Variants in RNF125 observed in about 807,000 individuals in gnomAD.
RNF125 encodes ring finger protein 125.
RNF125 carries 21 observed loss-of-function variants against 26.0 expected under a neutral mutation model. The ratio of observed to expected loss-of-function variants is 0.81; its 90% CI spans 0.57 to 1.16. RNF125 has a LOEUF of 1.16. RNF125 is among the 50% of genes most tolerant of loss of function. The pLI, the probability that RNF125 is intolerant of heterozygous loss-of-function variation, is 0.00. For missense variants in RNF125, 270 were observed against 299.4 expected (o/e 0.90, Z 0.72); for synonymous variants, 95 against 109.2 (o/e 0.87, Z 0.81).
rs1189398461 is a variant in RNF125 at position 32,036,565 on chromosome 18, GAAGGAAGGAAGGAAGGA to G, written c.165-535_165-519del. ...ACATATTTCTTGACCAGAAAGGAAG[GAAGGAAGGAAGGAAGGA>G]AAGGAAGGAAGGAAGAAGGGAGGGA... On this transcript the variant is annotated intron_variant, in intron 1 of 5. Coordinates refer to ENST00000217740, the MANE Select transcript of RNF125 (RefSeq NM_017831.4). Among the ~76,000 whole-genome samples, 350 of 139,622 alleles carry G rather than the reference GAAGGAAGGAAGGAAGGA, an allele frequency of 2.5e-3. 2 individuals are homozygous for G. Among genetic ancestry groups the G allele is most frequent in the African/African-American group, 8.8e-3 (335 of 37,868 alleles). The allele number at this position is 139,622 out of a possible 152,430, so 91.6% of individuals were successfully genotyped here. A position where few individuals can be genotyped will look rare whatever the true frequency, so the allele number is the denominator to read the frequency against.
intron 4 of RNF125, among the ~76,000 whole-genome samples, chr18:32,054,383 G>A (rs913477520): frequency 1.3e-5 from 2 of 152,024 alleles, no homozygotes; most frequent in African/African-American, 4.8e-5. Flanking sequence ...ATGAGCCACC[G>A]CATCTGCCCT....
At chr18:32,056,793 CTCAA>C (rs2039389461) in intron 4 of RNF125, among the ~76,000 whole-genome samples, 1 of 152,148 alleles carries the variant, frequency 6.6e-6, no homozygotes, top group Admixed American at 6.6e-5. Flanking sequence ...GCAAAAGAAA[CTCAA>C]TGCACTTGGC....
At chr18:32,041,691 C>A (rs1348785102) in intron 2 of RNF125, 1 of 108,162 alleles carries the variant, frequency 9.2e-6, no homozygotes. Flanking sequence ...AGTGCAGTGG[C>A]GGGATCTCGG....
At chr18:32,067,923 C>G (rs1057146487) in intron 5 of RNF125, among the ~76,000 whole-genome samples, 2 of 152,202 alleles carry the variant, frequency 1.3e-5, no homozygotes, top group Non-Finnish European at 2.9e-5. Context: ...TTCAGTGGTA[C>G]TGCTGGCATT....
At chr18:32,038,072 A>T (rs1313575374) in intron 2 of RNF125, among the ~76,000 whole-genome samples, 2 of 131,554 alleles carry the variant, frequency 1.5e-5, no homozygotes, top group Non-Finnish European at 3.1e-5. Context: ...TTTTTGAGAC[A>T]GAGTCTTGCT....
the RNF125 span, among the ~76,000 whole-genome samples, chr18:32,086,592 C>T: frequency 5.3e-4 from 81 of 151,820 alleles, no homozygotes; most frequent in African/African-American, 1.9e-3. Flanking sequence ...ATGATCTCAG[C>T]GCATCGCAAC....
chr18:32,020,055 G>C (rs1431861061), intron 1 of RNF125, among the ~76,000 whole-genome samples: 1 of 150,074 alleles, frequency 6.7e-6, no homozygotes, highest in Non-Finnish European at 1.5e-5. Flanking sequence ...AGAGAGAGAC[G>C]TAGTCTGGCT....
the RNF125 span, among the ~76,000 whole-genome samples, chr18:32,084,884 A>G: frequency 1.3e-5 from 2 of 152,228 alleles, no homozygotes; most frequent in Non-Finnish European, 2.9e-5. Flanking sequence ...TCATAATGAC[A>G]TTTATGAAGA....
downstream of RNF125, among the ~76,000 whole-genome samples, chr18:32,078,214 A>G (rs1254796910): frequency 6.6e-6 from 1 of 152,206 alleles, no homozygotes; most frequent in Admixed American, 6.5e-5. Flanking sequence ...ACACATTTCA[A>G]AGCAAGTTGA....
chr18:32,058,220 G>A (rs1376802537), intron 4 of RNF125, among the ~76,000 whole-genome samples: 2 of 151,826 alleles, frequency 1.3e-5, no homozygotes, highest in South Asian at 2.1e-4. Flanking sequence ...CATAGTAGGT[G>A]TATATATTTA....
the RNF125 span, among the ~76,000 whole-genome samples, chr18:32,087,935 C>A: frequency 6.6e-6 from 1 of 152,148 alleles, no homozygotes; most frequent in Non-Finnish European, 1.5e-5. Context: ...TGCTGCTGCC[C>A]AAGACCACAC....
rs145512708 is a variant in RNF125, at chr18:32,034,634, C to T, written c.165-2482C>T. Among the ~76,000 whole-genome samples, 632 of 152,120 alleles carry T rather than the reference C, an allele frequency of 4.2e-3. 7 individuals carry two copies. The highest frequency in any genetic ancestry group is 0.015 in the African/African-American group (603 of 41,500). On this transcript the variant is annotated intron_variant, in intron 1 of 5. Transcript: ENST00000217740. ...AAATTAGACATAAAAAATTACTGGC[C>T]GGGCACAGTGGCTCATGCCTGTAAT...
At chr18:32,088,719 C>T in the RNF125 span, among the ~76,000 whole-genome samples, 148 of 152,234 alleles carry the variant, frequency 9.7e-4, no homozygotes, top group Non-Finnish European at 1.8e-3. Context: ...AGGCTGGTCA[C>T]GAACTCCTGA....
chr18:32,066,075 C>A, intron 5 of RNF125, 66 bp downstream of exon 5: 1 of 1,014,740 alleles, frequency 9.9e-7, no homozygotes, highest in Non-Finnish European at 1.5e-6. Context: ...CCTTTCCGAT[C>A]CAAGTGAATA....
At position 32,018,945 on chromosome 18, in the gene RNF125, C is replaced by A. The variant is rs759692910; in HGVS notation, c.82C>A (p.Pro28Thr). The A allele has an allele frequency of 3.1e-6, 5 of 1,613,566 alleles. No individual in the cohort carries two copies. Among genetic ancestry groups the A allele is most frequent in the Non-Finnish European group, 4.2e-6 (5 of 1,179,818 alleles). Residue 28 changes from proline (P) to threonine (T), a missense_variant, in exon 1 of 6, where the codon CCG becomes ACG. Pro to Thr is a conservative substitution (Grantham distance 38, BLOSUM62 -1). Coordinates refer to ENST00000217740, the MANE Select transcript of RNF125 (RefSeq NM_017831.4). Reference protein sequence around the residue: ...TARALERRRDPELPVTSFDCA... With the variant: ...TARALERRRDTELPVTSFDCA... ...GCGGGCCCTGGAGCGCAGGAGGGACCCGGAGTTGCCCGTCACGTCCTTCGA... is the reference window on the plus strand; with the variant it reads ...GCGGGCCCTGGAGCGCAGGAGGGACACGGAGTTGCCCGTCACGTCCTTCGA...
chr18:32,082,101 T>C, the RNF125 span, among the ~76,000 whole-genome samples: 1 of 152,146 alleles, frequency 6.6e-6, no homozygotes, highest in Non-Finnish European at 1.5e-5. Flanking sequence ...CTCCCTGAGC[T>C]ACATTAGAGA....
chr18:32,023,072 T>C (rs1400586649), intron 1 of RNF125, among the ~76,000 whole-genome samples: 1 of 152,096 alleles, frequency 6.6e-6, no homozygotes, highest in African/African-American at 2.4e-5. Context: ...AGCCTCCACC[T>C]CCTGGGCTCA....
intron 1 of RNF125, among the ~76,000 whole-genome samples, chr18:32,023,696 A>G (rs1377887331): frequency 6.6e-6 from 1 of 152,212 alleles, no homozygotes; most frequent in East Asian, 1.9e-4. Flanking sequence ...CTATATTGCC[A>G]TGAAATAGGA....
chr18:32,084,422 T>A, the RNF125 span, among the ~76,000 whole-genome samples: 1 of 152,176 alleles, frequency 6.6e-6, no homozygotes, highest in African/African-American at 2.4e-5. Flanking sequence ...GTGAGTTGAT[T>A]TGTTGAAATC....
Sources: allele counts gnomAD v4.1 joint callset (sites outside exome capture counted in the v4.1 genomes callset), GRCh38; gene constraint gnomAD v4.1.1; transcripts MANE v1.5; gene names NCBI Gene and HGNC (gene_info 2026-07-23, HGNC 2026-07-21).